LPP: variants seen among roughly 807,000 people sequenced by gnomAD.
The protein encoded by LPP is LIM domain containing preferred translocation partner in lipoma.
LPP carries 38 observed loss-of-function variants against 60.4 expected under a neutral mutation model. That is an observed-to-expected ratio of 0.63 (90% confidence interval 0.49 to 0.83). LPP has a LOEUF of 0.83. LPP is among the 40% of genes least tolerant of loss of function. LPP has a pLI of 0.00. For synonymous variants in LPP, 328 were observed against 290.8 expected, an observed-to-expected ratio of 1.13 and a Z score of -1.30; for missense variants, 902 against 783.6, an observed-to-expected ratio of 1.15 and a Z score of -1.80.
In LPP at chr3:188,436,492, T is replaced by C. The variant is rs1792328329; in HGVS notation, c.193+30179T>C. 2.6e-5 allele frequency among the ~76,000 whole-genome samples: 4 copies of C among 152,192 alleles called. 1 individual carries two copies. In the South Asian group the frequency reaches 8.3e-4, roughly 31 times the overall value. On this transcript the variant is annotated intron_variant, in intron 4 of 11. Transcript: ENST00000617246. The stretch of plus-strand genomic sequence containing the variant: ...ACTTGAGAAACATGTTTGCATTTCG[T>C]GAACAACTCCTGTTTATTTTCAACA...
intron 8 of LPP, among the ~76,000 whole-genome samples, chr3:188,731,332 T>C (rs1242993227): frequency 2.0e-5 from 3 of 152,126 alleles, no homozygotes; most frequent in African/African-American, 7.2e-5. Context: ...GTATTTCCAC[T>C]GTGGGAAAGA....
chr3:188,345,150 T>C (rs1763991307), intron 3 of LPP, among the ~76,000 whole-genome samples: 1 of 152,218 alleles, frequency 6.6e-6, no homozygotes, highest in African/African-American at 2.4e-5. Context: ...TATCTTTAAG[T>C]AGAGAAATCT....
rs138505732 is a variant in LPP, at chr3:188,206,787, G to A, written c.-189-18618G>A. ...TTGGACTGTTGCACTTACTATTTCT[G>A]AGATTTGAGCATCTGACTTTTCCTT... On this transcript the variant is annotated intron_variant, in intron 1 of 11. Transcript: ENST00000617246. 1.1e-3 allele frequency among the ~76,000 whole-genome samples: 162 copies of A among 152,276 alleles called. No individual in the cohort carries two copies. In the Middle Eastern group the frequency reaches 0.02, roughly 19 times the overall value.
At chr3:188,369,666 C>T (rs777694040) in intron 3 of LPP, among the ~76,000 whole-genome samples, 8 of 152,198 alleles carry the variant, frequency 5.3e-5, no homozygotes, top group Non-Finnish European at 1.0e-4. Flanking sequence ...TGCTTTCCGT[C>T]GATAAGCTCA....
intron 9 of LPP, among the ~76,000 whole-genome samples, chr3:188,814,949 C>T (rs920923576): frequency 5.3e-5 from 8 of 152,132 alleles, no homozygotes; most frequent in South Asian, 4.1e-4. Context: ...TGCTCTTATC[C>T]GTAAAATGGG....
chr3:188,218,125 G>T (rs116573140), intron 1 of LPP, among the ~76,000 whole-genome samples: 2,095 of 152,352 alleles, frequency 0.014, 27 homozygotes, highest in Non-Finnish European at 0.02. Flanking sequence ...GGAAGGCTCA[G>T]TGGGAGCCCA....
rs79751385 is a variant in LPP, at chr3:188,226,534, A to G, written c.-67+1007A>G. 1.1e-4 allele frequency among the ~76,000 whole-genome samples: 16 copies of G among 152,318 alleles called. No individual in the cohort carries two copies. In the East Asian group the frequency reaches 2.9e-3, roughly 28 times the overall value. On this transcript the variant is annotated intron_variant, in intron 2 of 11. Transcript: ENST00000617246. ...GGTAGAGTAGAACATTATGTTCTAA[A>G]AAATCGGGGTGGTAAAAAGAATCAA...
At position 188,874,435 on chromosome 3, in the gene LPP, G is replaced by A. The variant is rs1206957449; in HGVS notation, c.1795G>A (p.Ala599Thr). ...GHILCKTCNSARIRVLTAKAS... is the reference protein window; with the variant it reads ...GHILCKTCNSTRIRVLTAKAS... ...CATCCTCTGCAAGACCTGCAACTCT[G>A]CCCGCATCAGGGTGTTGACCGCCAA... The change falls in exon 12 of 12, where the codon GCC (alanine) becomes ACC (threonine). Residue 599 changes from alanine (A) to threonine (T), a missense_variant. Transcript: ENST00000617246. 6.2e-7 allele frequency: 1 copy of A among 1,614,174 alleles called. No individual in the cohort carries two copies. Among genetic ancestry groups the A allele is most frequent in the Admixed American group, 1.7e-5 (1 of 60,026 alleles).
chr3:188,484,194 A>G (rs943821339), intron 4 of LPP, among the ~76,000 whole-genome samples: 3 of 152,156 alleles, frequency 2.0e-5, no homozygotes, highest in African/African-American at 7.2e-5. Flanking sequence ...GAGGTTATTC[A>G]TGCATCTTTA....
intron 9 of LPP, among the ~76,000 whole-genome samples, chr3:188,851,665 A>G (rs1019712681): frequency 6.6e-6 from 1 of 152,212 alleles, no homozygotes; most frequent in Admixed American, 6.5e-5. Context: ...AACAATCCCT[A>G]CTATATTTCA....
chr3:188,681,526 C>T (rs1859517892), intron 7 of LPP, among the ~76,000 whole-genome samples: 1 of 152,106 alleles, frequency 6.6e-6, no homozygotes, highest in Non-Finnish European at 1.5e-5. Flanking sequence ...ATTTGTAATG[C>T]CTTAACTCTA....
intron 7 of LPP, among the ~76,000 whole-genome samples, chr3:188,658,954 A>C (rs1229904090): frequency 6.6e-6 from 1 of 152,206 alleles, no homozygotes; most frequent in Non-Finnish European, 1.5e-5. Context: ...AAATGGATTT[A>C]ATGAAATAAT....
chr3:188,355,640 G>A (rs996478716), intron 3 of LPP, among the ~76,000 whole-genome samples: 2 of 152,038 alleles, frequency 1.3e-5, no homozygotes, highest in African/African-American at 4.8e-5. Context: ...GCATATATAT[G>A]TACATATATA....
chr3:188,822,392 G>C (rs373076311), intron 9 of LPP, among the ~76,000 whole-genome samples: 2 of 152,178 alleles, frequency 1.3e-5, no homozygotes, highest in South Asian at 2.1e-4. Context: ...AAGAGGGTTG[G>C]AAGGGACAGA....
chr3:188,532,797 C>T (rs896893806), intron 6 of LPP, among the ~76,000 whole-genome samples: 5 of 152,214 alleles, frequency 3.3e-5, no homozygotes, highest in African/African-American at 7.2e-5. Context: ...AGCAACAGCT[C>T]ACACAGTCAT....
At chr3:188,161,025 A>G (rs1202059884) in intron 1 of LPP, among the ~76,000 whole-genome samples, 1 of 152,212 alleles carries the variant, frequency 6.6e-6, no homozygotes, top group African/African-American at 2.4e-5. Context: ...GTATGTGCAC[A>G]GGCCTGAGGC....
chr3:188,328,215 C>T (rs1578131107), intron 2 of LPP, among the ~76,000 whole-genome samples: 1 of 152,200 alleles, frequency 6.6e-6, no homozygotes, highest in Non-Finnish European at 1.5e-5. Context: ...TATTAATGGA[C>T]TTTTTATACC....
intron 8 of LPP, among the ~76,000 whole-genome samples, chr3:188,745,728 A>T (rs1464452220): frequency 4.6e-5 from 7 of 152,168 alleles, no homozygotes; most frequent in Non-Finnish European, 8.8e-5. Flanking sequence ...TAGAAATGAA[A>T]CAGACTAAGG....
chr3:188,477,176 C>T (rs919823692), intron 4 of LPP, among the ~76,000 whole-genome samples: 1 of 152,170 alleles, frequency 6.6e-6, no homozygotes, highest in South Asian at 2.1e-4. Context: ...AGCTGCAGCT[C>T]CTGAAGACCT....
Sources: gnomAD v4.1 joint callset for allele counts (sites outside exome capture counted in the v4.1 genomes callset) on GRCh38, gnomAD v4.1.1 for gene constraint, MANE v1.5 for transcripts, NCBI Gene and HGNC (gene_info 2026-07-23, HGNC 2026-07-21) for gene names.